CHLSN: variants seen among roughly 807,000 people sequenced by gnomAD.
The protein encoded by CHLSN is cholesin, also known as protein cholesin.
the CHLSN span, among the ~76,000 whole-genome samples, chr7:1,016,457 G>T: frequency 2.2e-5 from 2 of 88,980 alleles, no homozygotes; most frequent in Non-Finnish European, 4.2e-5. Flanking sequence ...ACACAGCAGC[G>T]CACGCCAGCA....
chr7:1,063,643 C>T, the CHLSN span, among the ~76,000 whole-genome samples: 3 of 152,262 alleles, frequency 2.0e-5, no homozygotes, highest in South Asian at 6.2e-4. Context: ...CAAGTGTGGT[C>T]TCACGTCCTC....
the CHLSN span, among the ~76,000 whole-genome samples, chr7:1,016,180 CACACGCCA>C: frequency 1.1e-5 from 1 of 88,296 alleles, no homozygotes; most frequent in African/African-American, 6.5e-5. Context: ...CACACAGCAG[CACACGCCA>C]GCACACAGCA....
chr7:983,202 C>T, the CHLSN span: 1 of 1,487,548 alleles, frequency 6.7e-7, no homozygotes. Flanking sequence ...GCCTCACCAG[C>T]CACGTCCTCA....
chr7:1,090,066 C>CA, the CHLSN span, among the ~76,000 whole-genome samples: 2,861 of 134,896 alleles, frequency 0.021, 90 homozygotes, highest in East Asian at 0.18. Flanking sequence ...CCTGGGTGAC[C>CA]AAAAAAAAAA....
the CHLSN span, among the ~76,000 whole-genome samples, chr7:1,115,803 G>A: frequency 8.3e-6 from 1 of 120,000 alleles, no homozygotes; most frequent in East Asian, 2.2e-4. Context: ...CGCCCACGCA[G>A]GATGACATCA....
the CHLSN span, among the ~76,000 whole-genome samples, chr7:1,069,680 G>A: frequency 2.1e-4 from 20 of 96,282 alleles, no homozygotes; most frequent in African/African-American, 8.2e-4. Context: ...GAGTGCAGTG[G>A]CGTGATCTCG....
the CHLSN span, chr7:985,008 C>A: frequency 1.9e-6 from 3 of 1,611,612 alleles, no homozygotes; most frequent in Non-Finnish European, 2.5e-6. Context: ...CGGTGCGTGC[C>A]CTGCACAGCC....
chr7:985,444 GGAATCAGATGCAAGGGCCT>G, the CHLSN span: 1 of 1,148,974 alleles, frequency 8.7e-7, no homozygotes, highest in East Asian at 2.6e-5. Flanking sequence ...CCTTGCAAAA[GGAATCAGATGCAAGGGCCT>G]GAATCAGGAC....
chr7:1,034,339 T>G, the CHLSN span, among the ~76,000 whole-genome samples: 308 of 151,574 alleles, frequency 2.0e-3, 1 homozygote, highest in African/African-American at 6.9e-3. Context: ...AAGACATAAA[T>G]TCTCCCAAAA....
the CHLSN span, among the ~76,000 whole-genome samples, chr7:1,120,772 C>T: frequency 9.9e-5 from 15 of 152,280 alleles, no homozygotes; most frequent in East Asian, 2.5e-3. Flanking sequence ...GTGATCATTC[C>T]GCACCATGGA....
At chr7:1,028,619 T>C in the CHLSN span, 7 of 971,234 alleles carry the variant, frequency 7.2e-6, no homozygotes, top group Non-Finnish European at 7.3e-6. Flanking sequence ...GCAGGGCCCC[T>C]GCCAGCTGCA....
At chr7:1,007,742 T>C in the CHLSN span, among the ~76,000 whole-genome samples, 2 of 152,046 alleles carry the variant, frequency 1.3e-5, no homozygotes, top group South Asian at 4.1e-4. Flanking sequence ...GCACAGGACT[T>C]GCCGCTGGGG....
chr7:1,039,564 C>G, the CHLSN span, among the ~76,000 whole-genome samples: 1 of 57,166 alleles, frequency 1.7e-5, no homozygotes, highest in Non-Finnish European at 3.1e-5. Flanking sequence ...GTCAGCCCCC[C>G]CGCCCGGCCA....
At chr7:1,085,548 C>G in the CHLSN span, among the ~76,000 whole-genome samples, 1 of 152,116 alleles carries the variant, frequency 6.6e-6, no homozygotes, top group South Asian at 2.1e-4. Context: ...GAGCACCGCA[C>G]AGCGCCCAGC....
the CHLSN span, among the ~76,000 whole-genome samples, chr7:1,017,401 A>T: frequency 1.3e-5 from 2 of 152,126 alleles, no homozygotes; most frequent in African/African-American, 4.8e-5. Context: ...TGAAGGGGTC[A>T]CCTGGCCTGG....
the CHLSN span, chr7:1,087,198 G>C: frequency 6.6e-6 from 1 of 152,270 alleles, no homozygotes; most frequent in Non-Finnish European, 1.5e-5. Context: ...CCATGAGCAG[G>C]AGAGGCGGCC....
chr7:1,054,837 C>T, the CHLSN span, among the ~76,000 whole-genome samples: 8 of 152,262 alleles, frequency 5.3e-5, no homozygotes, highest in Admixed American at 6.5e-5. Flanking sequence ...TCTCTGCTTC[C>T]GACCTGAACC....
At chr7:1,127,275 G>A in the CHLSN span, 372 of 1,598,400 alleles carry the variant, frequency 2.3e-4, no homozygotes, top group Middle Eastern at 1.2e-3. Flanking sequence ...CGGCTCCTTC[G>A]CCACTTGGTG....
chr7:1,101,897 C>T, the CHLSN span, among the ~76,000 whole-genome samples: 1 of 152,242 alleles, frequency 6.6e-6, no homozygotes, highest in Non-Finnish European at 1.5e-5. Flanking sequence ...AGTCTTGGCT[C>T]GCTGGGCCAC....
Sources: gnomAD v4.1 joint callset for allele counts (sites outside exome capture counted in the v4.1 genomes callset) on GRCh38, gnomAD v4.1.1 for gene constraint, MANE v1.5 for transcripts, NCBI Gene and HGNC (gene_info 2026-07-23, HGNC 2026-07-21) for gene names.